The following UNC5D variants were observed in gnomAD, a reference collection of about 807,000 sequenced individuals.
UNC5D encodes unc-5 netrin receptor D, also known as netrin receptor UNC5D.
UNC5D carries 39 observed loss-of-function variants against 105.4 expected under a neutral mutation model. The observed-to-expected ratio is 0.37, with a 90% CI of 0.29 to 0.48. The LOEUF is 0.48. UNC5D is among the 20% of genes least tolerant of loss of function. The pLI is 0.98. For missense variants in UNC5D, 991 were observed against 1,202.4 expected (o/e 0.82, Z 2.60); for synonymous variants, 452 against 450.4 (o/e 1.00, Z -0.04).
intron 3 of UNC5D, among the ~76,000 whole-genome samples, chr8:35,574,263 TG>T (rs1280792500): frequency 1.3e-5 from 2 of 152,200 alleles, no homozygotes; most frequent in Non-Finnish European, 2.9e-5. Flanking sequence ...TTCTCCCATA[TG>T]ACTGTTGGGA....
intron 4 of UNC5D, among the ~76,000 whole-genome samples, chr8:35,600,217 G>T (rs1183602739): frequency 2.0e-5 from 3 of 152,122 alleles, no homozygotes; most frequent in Non-Finnish European, 4.4e-5. Flanking sequence ...GGACATTTGG[G>T]TTGGTTCCAA....
chr8:35,790,498 T>C lies in UNC5D; in HGVS notation c.2797T>C (p.Ser933Pro), dbSNP rs1320101565. ...GATTGGGAGGACACACACGAAACTC[T>C]CAAACATTTCAGAATCCCAGCTTGA... ...EEIGRTHTKL[S>P]NISESQLDEA... The change falls in exon 17 of 17, where the codon TCA becomes CCA. Residue 933 changes from serine (S) to proline (P), a missense_variant. By Grantham distance (74) the Ser-to-Pro change is moderately conservative (BLOSUM62 -1). Transcript: ENST00000404895. The C allele has an allele frequency of 3.1e-6, 5 of 1,613,786 alleles. No individual in the cohort carries two copies. In the African/African-American group the frequency reaches 4.0e-5, roughly 13 times the overall value.
chr8:35,669,626 G>A (rs1171838974), intron 4 of UNC5D, among the ~76,000 whole-genome samples: 2 of 151,918 alleles, frequency 1.3e-5, no homozygotes, highest in Non-Finnish European at 2.9e-5. Flanking sequence ...TGACCTCTCT[G>A]TTGCCAGCTG....
intron 1 of UNC5D, among the ~76,000 whole-genome samples, chr8:35,247,197 A>G (rs899694754): frequency 1.3e-5 from 2 of 151,392 alleles, no homozygotes; most frequent in Non-Finnish European, 2.9e-5. Flanking sequence ...ACTATTGATC[A>G]TTTTACCCTT....
In UNC5D at chr8:35,750,794, C is replaced by A; in HGVS notation, c.2148C>A (p.Thr716=). The change falls in exon 13 of 17, where the codon ACC becomes ACA. Residue 716 remains threonine, a synonymous_variant. Coordinates refer to ENST00000404895, the MANE Select transcript of UNC5D (RefSeq NM_080872.4). ...YNLRVYCVDN[T]PCAFQEVVSD... is the part of the protein sequence containing the mutation. ...TGAGAGTTTACTGTGTGGACAATAC[C>A]CCTTGTGCATTTCAGGTTAGCCTTT... is the stretch of plus-strand genomic sequence containing the variant. 1 of 1,614,024 alleles carries A rather than the reference C, an allele frequency of 6.2e-7. No homozygotes were observed. Among genetic ancestry groups the A allele is most frequent in the Non-Finnish European group, 8.5e-7 (1 of 1,179,984 alleles).
At chr8:35,338,996 A>G (rs1346059205) in intron 1 of UNC5D, among the ~76,000 whole-genome samples, 1 of 152,198 alleles carries the variant, frequency 6.6e-6, no homozygotes, top group Non-Finnish European at 1.5e-5. Flanking sequence ...AGATACCTGA[A>G]TCTACCTTCT....
At chr8:35,402,850 C>T (rs1233756823) in intron 1 of UNC5D, among the ~76,000 whole-genome samples, 1 of 152,084 alleles carries the variant, frequency 6.6e-6, no homozygotes, top group Non-Finnish European at 1.5e-5. Context: ...GTTTGATGTA[C>T]CTCAGATCAT....
chr8:35,463,618 CAA>C (rs1189276180), intron 1 of UNC5D, among the ~76,000 whole-genome samples: 1,758 of 109,680 alleles, frequency 0.016, 40 homozygotes, highest in African/African-American at 0.054. Flanking sequence ...CTATCTCTAT[CAA>C]AAAAAAAAAA....
intron 4 of UNC5D, among the ~76,000 whole-genome samples, chr8:35,675,328 C>T (rs1825136760): frequency 1.3e-5 from 2 of 152,170 alleles, no homozygotes; most frequent in South Asian, 4.1e-4. Context: ...TCTAAATCTG[C>T]ATGGACAGCA....
chr8:35,417,732 T>C (rs1190193204), intron 1 of UNC5D, among the ~76,000 whole-genome samples: 1 of 152,232 alleles, frequency 6.6e-6, no homozygotes, highest in African/African-American at 2.4e-5. Context: ...CTTTTTGTTA[T>C]TAAATTTCCC....
chr8:35,676,665 A>G (rs193174896), intron 4 of UNC5D, among the ~76,000 whole-genome samples: 46 of 152,362 alleles, frequency 3.0e-4, no homozygotes, highest in Non-Finnish European at 5.6e-4. Context: ...TATTGGATAT[A>G]GGTTCAAAAG....
chr8:35,631,615 G>T (rs1293186358), intron 4 of UNC5D, among the ~76,000 whole-genome samples: 1 of 152,186 alleles, frequency 6.6e-6, no homozygotes, highest in African/African-American at 2.4e-5. Context: ...GGCCGAAGTT[G>T]CTCACTTCTC....
At chr8:35,533,142 G>T (rs1403118790) in intron 1 of UNC5D, among the ~76,000 whole-genome samples, 1 of 151,966 alleles carries the variant, frequency 6.6e-6, no homozygotes, top group Non-Finnish European at 1.5e-5. Flanking sequence ...AGAGTTTCCA[G>T]TTTTTCTGTT....
Position 35,272,707 on chromosome 8 carries a change from G to A in UNC5D, c.103+36820G>A, listed in dbSNP as rs1585467378. On this transcript the variant is annotated intron_variant, in intron 1 of 16. Transcript: ENST00000404895. ...AGGGGTGCTGTAGGACTCAGTAGGA[G>A]CTACTAGCTCAAAACAGTTCGCCAC... 2.6e-5 allele frequency among the ~76,000 whole-genome samples: 4 copies of A among 152,296 alleles called. No individual in the cohort carries two copies. In the East Asian group the frequency reaches 7.7e-4, roughly 29 times the overall value.
chr8:35,479,393 AG>A (rs1810326599), intron 1 of UNC5D, among the ~76,000 whole-genome samples: 1 of 152,156 alleles, frequency 6.6e-6, no homozygotes, highest in South Asian at 2.1e-4. Flanking sequence ...CTCTATATAA[AG>A]GTTTCTCAAC....
At chr8:35,720,839 GTT>G (rs34361312) in intron 8 of UNC5D, among the ~76,000 whole-genome samples, 1,975 of 143,890 alleles carry the variant, frequency 0.014, 57 homozygotes, top group East Asian at 0.13. Context: ...TTCAGATGCT[GTT>G]TTTTTTTTTT....
chr8:35,667,120 C>T (rs1273514375), intron 4 of UNC5D, among the ~76,000 whole-genome samples: 1 of 151,176 alleles, frequency 6.6e-6, no homozygotes, highest in African/African-American at 2.4e-5. Context: ...CTTTTTTTTT[C>T]AAACTTGGAA....
intron 4 of UNC5D, among the ~76,000 whole-genome samples, chr8:35,624,924 A>C (rs886576234): frequency 2.0e-5 from 3 of 152,148 alleles, no homozygotes; most frequent in African/African-American, 7.2e-5. Flanking sequence ...GGGCCTTTTC[A>C]ATTACGGGAA....
Position 35,631,565 on chromosome 8 carries a change from G to A in UNC5D, c.570+35908G>A, listed in dbSNP as rs185338308. 8.5e-5 allele frequency among the ~76,000 whole-genome samples: 13 copies of A among 152,266 alleles called. No homozygotes were observed. The East Asian group carries it at 9.7e-4, about 11-fold the overall frequency. On this transcript the variant is annotated intron_variant, in intron 4 of 16. Coordinates refer to ENST00000404895, the MANE Select transcript of UNC5D (RefSeq NM_080872.4). Reference sequence around the variant, plus strand: ...ATTTGTCTTTGTCACCACAGTCCACGTATGGACTTGGGAAATTAGAGTTTA... The same window carrying A: ...ATTTGTCTTTGTCACCACAGTCCACATATGGACTTGGGAAATTAGAGTTTA...
Sources: gnomAD v4.1 joint callset for allele counts (sites outside exome capture counted in the v4.1 genomes callset) on GRCh38, gnomAD v4.1.1 for gene constraint, MANE v1.5 for transcripts, NCBI Gene and HGNC (gene_info 2026-07-23, HGNC 2026-07-21) for gene names.